Variants in CSMD1 observed in about 807,000 individuals in gnomAD.
The protein encoded by CSMD1 is CUB and Sushi multiple domains 1, also known as CUB and sushi domain-containing protein 1.
A neutral mutation model predicts 417.5 loss-of-function variants in CSMD1; 213 were observed. The ratio of observed to expected loss-of-function variants is 0.51; its 90% CI spans 0.46 to 0.57. The LOEUF (loss-of-function observed/expected upper bound fraction) is 0.57, where lower values mean the gene tolerates loss of function less well. CSMD1 is among the 20% of genes least tolerant of loss of function. The pLI is 0.00. For missense variants in CSMD1, 6,923 were observed against 4,529.7 expected (o/e 1.53, Z -15.17); for synonymous variants, 2,862 against 1,736.8 (o/e 1.65, Z -16.11).
At chr8:4,715,628 T>C (rs1333188613) in intron 1 of CSMD1, among the ~76,000 whole-genome samples, 2 of 152,160 alleles carry the variant, frequency 1.3e-5, no homozygotes, top group Non-Finnish European at 2.9e-5. Context: ...GATCTCCTGA[T>C]TTTTCCCTTC....
chr8:4,128,022 T>G (rs1372404780), intron 3 of CSMD1, among the ~76,000 whole-genome samples: 1 of 152,184 alleles, frequency 6.6e-6, no homozygotes, highest in Non-Finnish European at 1.5e-5. Flanking sequence ...AAGTACCACA[T>G]TTTATATTCT....
intron 18 of CSMD1, among the ~76,000 whole-genome samples, chr8:3,380,904 G>C (rs1420792779): frequency 6.6e-6 from 1 of 151,552 alleles, no homozygotes; most frequent in Non-Finnish European, 1.5e-5. Flanking sequence ...AAAAAAAAAA[G>C]TTTTGGTTAG....
intron 33 of CSMD1, among the ~76,000 whole-genome samples, chr8:3,197,344 C>T (rs1180758719): frequency 6.6e-6 from 1 of 152,214 alleles, no homozygotes; most frequent in East Asian, 1.9e-4. Context: ...TATCCTACAA[C>T]CACGGAAGAC....
At chr8:4,412,753 G>C (rs1346537115) in intron 3 of CSMD1, among the ~76,000 whole-genome samples, 2 of 152,286 alleles carry the variant, frequency 1.3e-5, no homozygotes, top group African/African-American at 4.8e-5. Context: ...ATAGGAATTA[G>C]ACTACTTACA....
chr8:3,912,250 A>G (rs991513320), intron 5 of CSMD1, among the ~76,000 whole-genome samples: 4 of 152,186 alleles, frequency 2.6e-5, no homozygotes, highest in Admixed American at 2.6e-4. Flanking sequence ...ACTTACTGGG[A>G]AATATCACTA....
rs147455389 is a variant in CSMD1 at position 4,628,269 on chromosome 8, C to A, written c.302+9073G>T. On this transcript the variant is annotated intron_variant, in intron 2 of 69. Transcript: ENST00000635120. The stretch of plus-strand genomic sequence containing the variant: ...AACTAATTCTTGGTCTTTCATACCT[C>A]TTGTAAATATTTTAACTTAATTTGT... Among the ~76,000 whole-genome samples, 292 of 151,168 alleles carry A rather than the reference C, an allele frequency of 1.9e-3. 2 individuals are homozygous for A. The highest frequency in any genetic ancestry group is 0.014 in the Middle Eastern group (4 of 282).
In CSMD1 at chr8:3,440,239, G is replaced by A. The variant is rs992577422; in HGVS notation, c.1561+28473C>T. ...GGTGCATTAAACTGTATATCAATTTGGGAGATTTGAGATCTTTACTCTGAG... is the reference window on the plus strand; with the variant it reads ...GGTGCATTAAACTGTATATCAATTTAGGAGATTTGAGATCTTTACTCTGAG... On this transcript the variant is annotated intron_variant, in intron 12 of 69. Coordinates refer to ENST00000635120, the MANE Select transcript of CSMD1 (RefSeq NM_033225.6). Among the ~76,000 whole-genome samples, 21 of 152,082 alleles carry A rather than the reference G, an allele frequency of 1.4e-4. 1 individual carries two copies. The highest frequency in any genetic ancestry group is 3.3e-4 in the Admixed American group (5 of 15,266).
chr8:3,597,819 C>T (rs1801165388), intron 8 of CSMD1, among the ~76,000 whole-genome samples: 1 of 152,048 alleles, frequency 6.6e-6, no homozygotes, highest in African/African-American at 2.4e-5. Flanking sequence ...GGGAACATCA[C>T]ACACCGGGGC....
chr8:3,206,887 T>G (rs1384591936), intron 30 of CSMD1, among the ~76,000 whole-genome samples: 2 of 152,122 alleles, frequency 1.3e-5, no homozygotes, highest in Non-Finnish European at 2.9e-5. Context: ...AGATTGCCAG[T>G]ACTCTATTTC....
intron 1 of CSMD1, among the ~76,000 whole-genome samples, chr8:4,900,830 G>T (rs145630501): frequency 6.6e-6 from 1 of 152,246 alleles, no homozygotes; most frequent in East Asian, 1.9e-4. Context: ...AATTCTCACG[G>T]CTCTAATTTC....
chr8:3,512,307 C>T (rs558269932), intron 10 of CSMD1, among the ~76,000 whole-genome samples: 1 of 152,228 alleles, frequency 6.6e-6, no homozygotes, highest in African/African-American at 2.4e-5. Context: ...CTGAGTTTAG[C>T]AACTTATTTG....
chr8:3,277,887 C>G (rs536346258), intron 26 of CSMD1, among the ~76,000 whole-genome samples: 1 of 152,148 alleles, frequency 6.6e-6, no homozygotes, highest in Non-Finnish European at 1.5e-5. Flanking sequence ...ATCATTTCTT[C>G]CCTACAAAAG....
rs543748228 is a variant in CSMD1 at position 3,136,592 on chromosome 8, G to A, written c.6241+5873C>T. On this transcript the variant is annotated intron_variant, in intron 41 of 69. Transcript: ENST00000635120. ...TCCCTTTCGGATTTCTGGTAGCGACGGAAGAGATGCAGTGAATAGAAGAGA... is the reference window on the plus strand; with the variant it reads ...TCCCTTTCGGATTTCTGGTAGCGACAGAAGAGATGCAGTGAATAGAAGAGA... Among the ~76,000 whole-genome samples, 35 of 152,080 alleles carry A rather than the reference G, an allele frequency of 2.3e-4. 2 individuals are homozygous for A. The South Asian group carries it at 5.2e-3, about 23-fold the overall frequency.
intron 49 of CSMD1, among the ~76,000 whole-genome samples, chr8:3,067,790 C>G (rs931635341): frequency 2.0e-5 from 3 of 151,742 alleles, no homozygotes; most frequent in Admixed American, 2.0e-4. Context: ...TGGTTTCTAT[C>G]CTTGGTTCCA....
intron 3 of CSMD1, among the ~76,000 whole-genome samples, chr8:4,285,224 C>T (rs1234493637): frequency 6.6e-6 from 1 of 152,180 alleles, no homozygotes; most frequent in Non-Finnish European, 1.5e-5. Flanking sequence ...TGCTTGTATA[C>T]AATCCGGTTT....
At chr8:3,543,357 G>T (rs1203960880) in intron 10 of CSMD1, among the ~76,000 whole-genome samples, 1 of 152,196 alleles carries the variant, frequency 6.6e-6, no homozygotes, top group Non-Finnish European at 1.5e-5. Context: ...GCAAACTAGA[G>T]ATATAAACTG....
At chr8:4,071,228 GT>G (rs1423676391) in intron 3 of CSMD1, among the ~76,000 whole-genome samples, 1 of 151,526 alleles carries the variant, frequency 6.6e-6, no homozygotes, top group African/African-American at 2.4e-5. Flanking sequence ...CTAAACGTCT[GT>G]TAGGCCTGAT....
chr8:3,211,864 G>A (rs974501904), intron 30 of CSMD1, among the ~76,000 whole-genome samples: 8 of 152,206 alleles, frequency 5.3e-5, no homozygotes, highest in African/African-American at 1.4e-4. Context: ...CCACTGGCAT[G>A]CACTGCCCAG....
At chr8:4,180,155 C>A (rs1224882570) in intron 3 of CSMD1, among the ~76,000 whole-genome samples, 2 of 152,044 alleles carry the variant, frequency 1.3e-5, no homozygotes, top group Non-Finnish European at 1.5e-5. Flanking sequence ...CTATTCACGA[C>A]AGCAAAGACT....
Sources: allele counts gnomAD v4.1 joint callset (sites outside exome capture counted in the v4.1 genomes callset), GRCh38; gene constraint gnomAD v4.1.1; transcripts MANE v1.5; gene names NCBI Gene and HGNC (gene_info 2026-07-23, HGNC 2026-07-21).